The following ATRNL1 variants were observed in gnomAD, a reference collection of about 807,000 sequenced individuals.
ATRNL1 encodes attractin-like protein 1.
In ATRNL1, 95 loss-of-function variants were observed where a neutral mutation model predicts 182.7. The observed-to-expected ratio is 0.52, with a 90% CI of 0.44 to 0.62. ATRNL1 has a LOEUF of 0.62. Among genes scored for constraint, ATRNL1 ranks in the 20% least tolerant of loss-of-function variants. ATRNL1 has a pLI of 0.00. For synonymous variants in ATRNL1, 576 were observed against 568.3 expected (o/e 1.01, Z -0.19); for missense variants, 1,471 against 1,679.5 (o/e 0.88, Z 2.17).
chr10:115,742,799 A>C (rs561788924), intron 27 of ATRNL1, among the ~76,000 whole-genome samples: 1 of 152,184 alleles, frequency 6.6e-6, no homozygotes, highest in East Asian at 1.9e-4. Flanking sequence ...CTAGCATGCA[A>C]ATCTTCTCAT....
At chr10:115,355,044 T>C (rs1356621726) in intron 19 of ATRNL1, among the ~76,000 whole-genome samples, 1 of 152,124 alleles carries the variant, frequency 6.6e-6, no homozygotes, top group Non-Finnish European at 1.5e-5. Context: ...TAAATTTCTC[T>C]GTTTTATCTT....
intron 25 of ATRNL1, among the ~76,000 whole-genome samples, chr10:115,540,428 C>G (rs536366130): frequency 6.6e-6 from 1 of 152,056 alleles, no homozygotes; most frequent in Non-Finnish European, 1.5e-5. Context: ...TACCTCAATC[C>G]CTTTGTAAAG....
intron 21 of ATRNL1, among the ~76,000 whole-genome samples, chr10:115,429,399 G>C (rs1354577840): frequency 6.6e-6 from 1 of 152,060 alleles, no homozygotes; most frequent in Non-Finnish European, 1.5e-5. Flanking sequence ...TTATTGGGAT[G>C]TTGAGACCTC....
Position 115,391,791 on chromosome 10 carries a change from G to GTT in ATRNL1, c.3176-2859_3176-2858dup, listed in dbSNP as rs538766275. ...ATCTTCCTAACATCACTCCTCTAGA[G>GTT]TTTTTTTTTTAATCCAGATATATGG... On this transcript the variant is annotated intron_variant, in intron 19 of 28. Transcript: ENST00000355044. Among the ~76,000 whole-genome samples the GTT allele has an allele frequency of 4.7e-5, 7 of 148,032 alleles. No homozygotes were observed. In the South Asian group the frequency reaches 1.5e-3, roughly 32 times the overall value.
chr10:115,511,227 T>C (rs567903934), intron 24 of ATRNL1, among the ~76,000 whole-genome samples: 12 of 152,044 alleles, frequency 7.9e-5, no homozygotes, highest in Admixed American at 1.3e-4. Context: ...CTGTTGAAAG[T>C]TTATATGGAA....
chr10:115,440,418 C>T (rs1248805558), intron 21 of ATRNL1, among the ~76,000 whole-genome samples: 2 of 151,740 alleles, frequency 1.3e-5, no homozygotes. Context: ...TGGTATTACC[C>T]GATACCTTGT....
intron 18 of ATRNL1, among the ~76,000 whole-genome samples, chr10:115,317,992 T>G (rs1460503354): frequency 2.0e-5 from 3 of 152,194 alleles, no homozygotes; most frequent in Non-Finnish European, 4.4e-5. Context: ...AAGCAAATGC[T>G]TCCAGCTTTT....
At chr10:115,530,358 A>G (rs1554987857) in intron 25 of ATRNL1, among the ~76,000 whole-genome samples, 1 of 151,960 alleles carries the variant, frequency 6.6e-6, no homozygotes, top group Non-Finnish European at 1.5e-5. Context: ...TCAGACATTT[A>G]TTTTTTCCAC....
At chr10:115,904,772 T>G (rs1298793035) in intron 28 of ATRNL1, among the ~76,000 whole-genome samples, 2 of 152,214 alleles carry the variant, frequency 1.3e-5, no homozygotes, top group African/African-American at 4.8e-5. Flanking sequence ...GAGAGAAATT[T>G]AAGTCCAAAT....
chr10:115,880,291 G>A (rs1289098112), intron 28 of ATRNL1, among the ~76,000 whole-genome samples: 1 of 152,182 alleles, frequency 6.6e-6, no homozygotes, highest in Non-Finnish European at 1.5e-5. Context: ...ATGGAGAAAA[G>A]TGAAGGAATC....
chr10:115,847,467 A>T (rs1950955958), intron 27 of ATRNL1, among the ~76,000 whole-genome samples: 1 of 152,016 alleles, frequency 6.6e-6, no homozygotes, highest in South Asian at 2.1e-4. Context: ...GTATCTGTGT[A>T]TGTATATGTA....
intron 25 of ATRNL1, among the ~76,000 whole-genome samples, chr10:115,547,276 A>T (rs1475903946): frequency 6.7e-6 from 1 of 148,526 alleles, no homozygotes; most frequent in Non-Finnish European, 1.5e-5. Context: ...ATATATATAT[A>T]TATATAAATA....
chr10:115,295,177 G>C (rs1223813160), intron 15 of ATRNL1, among the ~76,000 whole-genome samples: 1 of 152,148 alleles, frequency 6.6e-6, no homozygotes, highest in African/African-American at 2.4e-5. Context: ...CTTTGGGGCT[G>C]TTTTTCAGGC....
At chr10:115,764,969 C>T (rs1441080582) in intron 27 of ATRNL1, among the ~76,000 whole-genome samples, 1 of 152,158 alleles carries the variant, frequency 6.6e-6, no homozygotes, top group Non-Finnish European at 1.5e-5. Context: ...CCACCATGCC[C>T]AGCCTCCTCC....
intron 27 of ATRNL1, among the ~76,000 whole-genome samples, chr10:115,813,606 CACTAACATTTA>C (rs1950098259): frequency 6.6e-6 from 1 of 152,138 alleles, no homozygotes; most frequent in Non-Finnish European, 1.5e-5. Flanking sequence ...ATTAGATTAT[CACTAACATTTA>C]AATAACCTTC....
intron 13 of ATRNL1, among the ~76,000 whole-genome samples, chr10:115,275,094 C>T (rs1554914471): frequency 6.6e-6 from 1 of 152,212 alleles, no homozygotes; most frequent in East Asian, 1.9e-4. Flanking sequence ...TACATAGAGG[C>T]TGTTCTAGTG....
At chr10:115,125,407 G>T (rs115888530) in intron 3 of ATRNL1, among the ~76,000 whole-genome samples, 1,782 of 152,100 alleles carry the variant, frequency 0.012, 33 homozygotes, top group African/African-American at 0.04. Flanking sequence ...AATATTGCTT[G>T]CTTGTACACC....
intron 27 of ATRNL1, among the ~76,000 whole-genome samples, chr10:115,739,196 T>C (rs1341971035): frequency 2.6e-5 from 4 of 152,212 alleles, no homozygotes; most frequent in African/African-American, 9.6e-5. Context: ...CTTATAGTCC[T>C]GATCAACCTT....
Position 115,245,478 on chromosome 10 carries a change from A to G in ATRNL1, c.1687+3753A>G, listed in dbSNP as rs998161247. Among the ~76,000 whole-genome samples, 6 of 136,606 alleles carry G rather than the reference A, an allele frequency of 4.4e-5. No individual in the cohort carries two copies. In the Admixed American group the frequency reaches 4.7e-4, roughly 11 times the overall value. 89.6% of individuals were successfully genotyped at this position (136,606 alleles called of 152,430 possible). Reference sequence around the variant, plus strand: ...TGCGCCATTGCACTCCAGCCTGCGCAACAAGACCGACACTCCGTCTCAAAA... The same window carrying G: ...TGCGCCATTGCACTCCAGCCTGCGCGACAAGACCGACACTCCGTCTCAAAA... On this transcript the variant is annotated intron_variant, in intron 10 of 28. Coordinates refer to ENST00000355044, the MANE Select transcript of ATRNL1 (RefSeq NM_207303.4).
Sources: gnomAD v4.1 joint callset for allele counts (sites outside exome capture counted in the v4.1 genomes callset) on GRCh38, gnomAD v4.1.1 for gene constraint, MANE v1.5 for transcripts, NCBI Gene and HGNC (gene_info 2026-07-23, HGNC 2026-07-21) for gene names.